Variants in SAMMSON observed in about 807,000 individuals in gnomAD.
SAMMSON encodes long intergenic non-protein coding RNA 1212.
chr3:70,261,973 A>G (rs12631093), intron 6 of SAMMSON, among the ~76,000 whole-genome samples: 16,007 of 152,164 alleles, frequency 0.11, 998 homozygotes, highest in East Asian at 0.23. Flanking sequence ...ACTTCTGCAT[A>G]CCAACCTGTC....
intron 4 of SAMMSON, among the ~76,000 whole-genome samples, chr3:70,197,829 A>G (rs1417161152): frequency 2.0e-5 from 3 of 152,224 alleles, no homozygotes; most frequent in African/African-American, 7.2e-5. Context: ...TAAGTGAAAT[A>G]CGTCATCATA....
chr3:70,178,476 A>C (rs1701025290), intron 4 of SAMMSON, among the ~76,000 whole-genome samples: 1 of 152,184 alleles, frequency 6.6e-6, no homozygotes, highest in South Asian at 2.1e-4. Context: ...TAAATCTCCC[A>C]CTAATGCACC....
At chr3:70,062,716 A>G (rs1333827595) in intron 3 of SAMMSON, among the ~76,000 whole-genome samples, 4 of 151,970 alleles carry the variant, frequency 2.6e-5, no homozygotes, top group Admixed American at 2.6e-4. Context: ...TCCAAAGGGG[A>G]ATGTCCCAAA....
chr3:70,426,401 C>G (rs1213365439), intron 2 of SAMMSON, among the ~76,000 whole-genome samples: 1 of 152,190 alleles, frequency 6.6e-6, no homozygotes, highest in African/African-American at 2.4e-5. Flanking sequence ...AACACTAAAT[C>G]ATTTTGAGGA....
intron 3 of SAMMSON, among the ~76,000 whole-genome samples, chr3:70,018,965 G>A (rs886136065): frequency 9.2e-5 from 14 of 152,318 alleles, no homozygotes; most frequent in African/African-American, 2.2e-4. Context: ...TATAACTTCT[G>A]TTCTTTTACA....
Position 70,200,618 on chromosome 3 carries a change from T to A in SAMMSON, n.508-48489T>A, listed in dbSNP as rs191000544. Among the ~76,000 whole-genome samples the A allele has an allele frequency of 3.9e-5, 6 of 152,340 alleles. No homozygotes were observed. The East Asian group carries it at 1.2e-3, about 29-fold the overall frequency. ...TCTCACAGCAATCTGTTTTATTTTT[T>A]CTTCATAGCACTGACCATACGATGG... On this transcript the variant is annotated intron_variant and non_coding_transcript_variant, in intron 4 of 9. Transcript: ENST00000642114.
intron 4 of SAMMSON, among the ~76,000 whole-genome samples, chr3:70,161,362 T>C (rs1399258595): frequency 1.3e-5 from 2 of 152,030 alleles, no homozygotes; most frequent in Non-Finnish European, 2.9e-5. Flanking sequence ...TCCAAGCTTG[T>C]TGAGAGCTTC....
chr3:70,239,576 T>C (rs1418424072), intron 4 of SAMMSON, among the ~76,000 whole-genome samples: 2 of 152,190 alleles, frequency 1.3e-5, no homozygotes, highest in Admixed American at 6.5e-5. Context: ...TAGAGACACA[T>C]AAATTCCAGC....
chr3:70,024,177 T>G (rs1222734166), intron 3 of SAMMSON, among the ~76,000 whole-genome samples: 2 of 152,200 alleles, frequency 1.3e-5, no homozygotes, highest in African/African-American at 2.4e-5. Context: ...TGTCTCACAT[T>G]TCTTTTATAT....
intron 3 of SAMMSON, among the ~76,000 whole-genome samples, chr3:70,052,269 C>T (rs569101052): frequency 1.5e-4 from 23 of 152,208 alleles, no homozygotes; most frequent in Non-Finnish European, 5.9e-5. Flanking sequence ...CTCACATACT[C>T]TATGTGGCCA....
At chr3:70,185,093 T>C (rs541955791) in intron 4 of SAMMSON, among the ~76,000 whole-genome samples, 1 of 152,326 alleles carries the variant, frequency 6.6e-6, no homozygotes, top group South Asian at 2.1e-4. Context: ...CCTTTCAACA[T>C]ATCCATGTGT....
At chr3:70,217,948 G>A (rs1701430674) in intron 4 of SAMMSON, among the ~76,000 whole-genome samples, 1 of 152,106 alleles carries the variant, frequency 6.6e-6, no homozygotes, top group Non-Finnish European at 1.5e-5. Flanking sequence ...TGTATACAGA[G>A]GCCTTGGAGA....
chr3:70,369,085 T>G (rs978342537), intron 9 of SAMMSON, among the ~76,000 whole-genome samples: 7 of 151,676 alleles, frequency 4.6e-5, no homozygotes, highest in Non-Finnish European at 1.0e-4. Context: ...TATACCTCAG[T>G]ATTTTATTTT....
chr3:70,131,850 T>A (rs751743717), intron 4 of SAMMSON, among the ~76,000 whole-genome samples: 14 of 152,126 alleles, frequency 9.2e-5, no homozygotes, highest in Non-Finnish European at 1.6e-4. Context: ...AGTGTTGGGA[T>A]TACAGGCGTG....
At position 70,284,191 on chromosome 3, in the gene SAMMSON, A is replaced by G. The variant is rs540852873; in HGVS notation, n.675-6988A>G. Among the ~76,000 whole-genome samples the G allele has an allele frequency of 2.0e-5, 3 of 152,274 alleles. No individual in the cohort carries two copies. The South Asian group carries it at 6.2e-4, about 32-fold the overall frequency. ...TCATTTATAGGTTTTATCTAATTAG[A>G]GAGACTTAATGAATATTAACTACCA... On this transcript the variant is annotated intron_variant and non_coding_transcript_variant, in intron 6 of 9. Coordinates refer to ENST00000642114, the Ensembl canonical transcript of SAMMSON.
chr3:70,327,348 G>C (rs1702587351), intron 7 of SAMMSON, among the ~76,000 whole-genome samples: 2 of 152,176 alleles, frequency 1.3e-5, no homozygotes, highest in South Asian at 4.1e-4. Flanking sequence ...GTGCAGGACA[G>C]TGACCCCTGA....
intron 4 of SAMMSON, chr3:70,197,059 G>A (rs1486132887): frequency 2.5e-6 from 1 of 398,580 alleles, no homozygotes; most frequent in South Asian, 1.3e-4. Context: ...TTCATCCGAG[G>A]TGTGGTGATA....
chr3:70,177,347 T>C (rs1386248981), intron 4 of SAMMSON, among the ~76,000 whole-genome samples: 1 of 152,214 alleles, frequency 6.6e-6, no homozygotes, highest in Admixed American at 6.5e-5. Flanking sequence ...TCAATATTTA[T>C]TGAGCACCTA....
At chr3:70,284,425 G>A (rs1702120093) in intron 6 of SAMMSON, among the ~76,000 whole-genome samples, 1 of 152,032 alleles carries the variant, frequency 6.6e-6, no homozygotes, top group Admixed American at 6.6e-5. Flanking sequence ...AACAAAAAGA[G>A]AACCTCTCAC....
Sources: allele counts gnomAD v4.1 joint callset (sites outside exome capture counted in the v4.1 genomes callset), GRCh38; gene constraint gnomAD v4.1.1; transcripts MANE v1.5; gene names NCBI Gene and HGNC (gene_info 2026-07-23, HGNC 2026-07-21).